Variants in RGS21 observed in about 807,000 individuals in gnomAD.
RGS21 encodes the protein regulator of G-protein signalling 21.
RGS21 carries 19 observed loss-of-function variants against 18.7 expected under a neutral mutation model. That is an observed-to-expected ratio of 1.01 (90% CI 0.71 to 1.49). The LOEUF (loss-of-function observed/expected upper bound fraction) is 1.49. RGS21 is among the 40% of genes most tolerant of loss of function. The probability of loss-of-function intolerance (pLI) is 0.00; values close to 1 mark genes in which losing one functional copy is unlikely to be tolerated. For synonymous variants in RGS21, 56 were observed against 57.8 expected (o/e 0.97, Z 0.14); for missense variants, 194 against 176.8 (o/e 1.10, Z -0.55).
chr1:192,319,354 C>T lies in RGS21; in HGVS notation c.-61+2249C>T, dbSNP rs145627574. Among the ~76,000 whole-genome samples the T allele has an allele frequency of 2.7e-3, 412 of 152,010 alleles. 2 individuals carry two copies. The highest frequency in any genetic ancestry group is 9.4e-3 in the African/African-American group (391 of 41,476). On this transcript the variant is annotated intron_variant, in intron 1 of 4. Coordinates refer to ENST00000417209, the MANE Select transcript of RGS21 (RefSeq NM_001039152.3). ...TGTTTGTTTTCTAGGAAAATTAATC[C>T]TCCAATCTATATGTATGTGTGTACA...
At chr1:192,339,223 T>C (rs1365965793) in intron 1 of RGS21, among the ~76,000 whole-genome samples, 1 of 151,186 alleles carries the variant, frequency 6.6e-6, no homozygotes, top group Non-Finnish European at 1.5e-5. Flanking sequence ...GGCATTTTTT[T>C]TTAAAAAAAA....
chr1:192,334,309 G>A lies in RGS21; in HGVS notation c.-60-8668G>A, dbSNP rs559208623. The stretch of plus-strand genomic sequence containing the variant: ...ACTTTAGGTTATCACCTTTAAAGAA[G>A]AGATAATAAATAGTTATATGCTATT... On this transcript the variant is annotated intron_variant, in intron 1 of 4. Transcript: ENST00000417209. Among the ~76,000 whole-genome samples the A allele has an allele frequency of 1.5e-4, 23 of 152,200 alleles. No individual in the cohort carries two copies. In the South Asian group the frequency reaches 4.6e-3, roughly 30 times the overall value.
rs560807236 is a variant in RGS21, at chr1:192,354,090, G to T, written c.255+1877G>T. ...ATATTACACCGATTGCAATCTTCAAGGTATTTCTCTATAGTTCATCAGTTA... is the reference window on the plus strand; with the variant it reads ...ATATTACACCGATTGCAATCTTCAATGTATTTCTCTATAGTTCATCAGTTA... On this transcript the variant is annotated intron_variant, in intron 4 of 4. Transcript: ENST00000417209. 3.3e-5 allele frequency among the ~76,000 whole-genome samples: 5 copies of T among 151,566 alleles called. No homozygotes were observed. The South Asian group carries it at 1.0e-3, about 31-fold the overall frequency.
intron 4 of RGS21, among the ~76,000 whole-genome samples, chr1:192,355,543 A>G (rs1659098490): frequency 6.6e-6 from 1 of 151,548 alleles, no homozygotes; most frequent in South Asian, 2.1e-4. Flanking sequence ...AGCAGAAAAA[A>G]AAAATCATGA....
chr1:192,321,353 T>A (rs2102220594), intron 1 of RGS21, among the ~76,000 whole-genome samples: 1 of 152,106 alleles, frequency 6.6e-6, no homozygotes, highest in South Asian at 2.1e-4. Flanking sequence ...AATGATCTAA[T>A]TTATAATTAG....
At chr1:192,346,851 GA>G (rs1227998902) in intron 2 of RGS21, among the ~76,000 whole-genome samples, 1 of 152,036 alleles carries the variant, frequency 6.6e-6, no homozygotes. Flanking sequence ...TCACATGCTA[GA>G]AATTCTTAAA....
intron 1 of RGS21, among the ~76,000 whole-genome samples, chr1:192,325,097 T>G (rs1469259704): frequency 6.6e-6 from 1 of 152,216 alleles, no homozygotes; most frequent in South Asian, 2.1e-4. Flanking sequence ...ATGCTTGGGT[T>G]TGGTGTACAA....
chr1:192,333,937 T>C (rs532194591), intron 1 of RGS21, among the ~76,000 whole-genome samples: 1 of 152,204 alleles, frequency 6.6e-6, no homozygotes, highest in Non-Finnish European at 1.5e-5. Context: ...TCTTTATATC[T>C]GCCTGTGAAT....
In RGS21 at chr1:192,317,053, CA is replaced by C. The variant is rs1227212127; in HGVS notation, c.-110del. On this transcript the variant is annotated 5_prime_UTR_variant, in exon 1 of 5. Transcript: ENST00000417209. Reference sequence around the variant, plus strand: ...CAGATTTTCTCATCTATCCTGTCAACAAAGAAGGAATCAAGAGAGCAAGGAC... The same window carrying C: ...CAGATTTTCTCATCTATCCTGTCAACAAGAAGGAATCAAGAGAGCAAGGAC... 6.6e-6 allele frequency: 1 copy of C among 151,798 alleles called. No individual in the cohort carries two copies. The highest frequency in any genetic ancestry group is 1.5e-5 in the Non-Finnish European group (1 of 67,816). 9.4% of individuals were successfully genotyped at this position (151,798 alleles called of 1,614,324 possible).
At chr1:192,360,927 T>C (rs1218721109) in intron 4 of RGS21, among the ~76,000 whole-genome samples, 1 of 152,080 alleles carries the variant, frequency 6.6e-6, no homozygotes, top group East Asian at 1.9e-4. Flanking sequence ...CTTGATTGAC[T>C]TTTTACCTTA....
At chr1:192,346,784 G>T (rs989685577) in intron 2 of RGS21, among the ~76,000 whole-genome samples, 1 of 152,060 alleles carries the variant, frequency 6.6e-6, no homozygotes, top group African/African-American at 2.4e-5. Flanking sequence ...AATAAAGGCT[G>T]CCTCAGAGTA....
chr1:192,319,214 C>T lies in RGS21; in HGVS notation c.-61+2109C>T, dbSNP rs576495939. Among the ~76,000 whole-genome samples, 31 of 152,194 alleles carry T rather than the reference C, an allele frequency of 2.0e-4. No individual in the cohort carries two copies. The South Asian group carries it at 3.3e-3, about 16-fold the overall frequency. ...GCAGTGAGCTATGATTGCACCACTG[C>T]GCTACAGACTGGGTGAGAGAACAGA... On this transcript the variant is annotated intron_variant, in intron 1 of 4. Coordinates refer to ENST00000417209, the MANE Select transcript of RGS21 (RefSeq NM_001039152.3).
intron 1 of RGS21, among the ~76,000 whole-genome samples, chr1:192,335,987 T>G (rs561927271): frequency 6.6e-6 from 1 of 152,350 alleles, no homozygotes; most frequent in African/African-American, 2.4e-5. Context: ...TTAGTTGCTG[T>G]TGAACAAAGT....
intron 3 of RGS21, among the ~76,000 whole-genome samples, chr1:192,350,025 G>C (rs898920575): frequency 6.6e-6 from 1 of 151,936 alleles, no homozygotes; most frequent in African/African-American, 2.4e-5. Flanking sequence ...TTTCATCATT[G>C]TTTGAACTGA....
chr1:192,359,861 G>C (rs1021208661), intron 4 of RGS21, among the ~76,000 whole-genome samples: 1 of 150,650 alleles, frequency 6.6e-6, no homozygotes, highest in Admixed American at 6.7e-5. Context: ...AATTTCAAGG[G>C]AGTTGAAAAG....
chr1:192,340,735 G>A lies in RGS21; in HGVS notation c.-60-2242G>A, dbSNP rs890294262. ...GGACTCACAGTTCCACGTGGCTGGG[G>A]AGGCCTCACAATCACAGCTGTTGAA... On this transcript the variant is annotated intron_variant, in intron 1 of 4. Coordinates refer to ENST00000417209, the MANE Select transcript of RGS21 (RefSeq NM_001039152.3). 4.6e-5 allele frequency among the ~76,000 whole-genome samples: 7 copies of A among 152,018 alleles called. No individual in the cohort carries two copies. The South Asian group carries it at 6.2e-4, about 14-fold the overall frequency.
intron 2 of RGS21, among the ~76,000 whole-genome samples, chr1:192,343,915 A>G (rs571161237): frequency 4.2e-4 from 64 of 152,108 alleles, no homozygotes; most frequent in Non-Finnish European, 7.6e-4. Context: ...ATCAAGTAAA[A>G]GTCAACCAAG....
chr1:192,334,038 GTTTAC>G (rs557031461), intron 1 of RGS21, among the ~76,000 whole-genome samples: 90 of 152,230 alleles, frequency 5.9e-4, no homozygotes, highest in Admixed American at 3.7e-3. Context: ...TTTGGAAAAA[GTTTAC>G]TTTAACATAT....
At chr1:192,334,829 C>T (rs1028252208) in intron 1 of RGS21, among the ~76,000 whole-genome samples, 1 of 152,052 alleles carries the variant, frequency 6.6e-6, no homozygotes, top group Non-Finnish European at 1.5e-5. Flanking sequence ...TTCTCTTTCT[C>T]CACTTTCTTT....
Sources: gnomAD v4.1 joint callset for allele counts (sites outside exome capture counted in the v4.1 genomes callset) on GRCh38, gnomAD v4.1.1 for gene constraint, MANE v1.5 for transcripts, NCBI Gene and HGNC (gene_info 2026-07-23, HGNC 2026-07-21) for gene names.